Variants in CDH13 observed in about 807,000 individuals in gnomAD.
The protein encoded by CDH13 is cadherin-13.
Under a neutral mutation model 63.8 loss-of-function variants are expected in CDH13, and 24 were observed. The ratio of observed to expected loss-of-function variants is 0.38; its 90% CI spans 0.27 to 0.53. The LOEUF (loss-of-function observed/expected upper bound fraction) is 0.53, where lower values mean the gene tolerates loss of function less well. CDH13 is among the 20% of genes least tolerant of loss of function. CDH13 has a pLI of 0.85. For missense variants in CDH13, 1,049 were observed against 903.1 expected, an observed-to-expected ratio of 1.16 and a Z score of -2.07; for synonymous variants, 503 against 355.3, an observed-to-expected ratio of 1.42 and a Z score of -4.67.
intron 5 of CDH13, among the ~76,000 whole-genome samples, chr16:83,279,486 A>G (rs1045530262): frequency 6.6e-6 from 1 of 152,166 alleles, no homozygotes; most frequent in East Asian, 1.9e-4. Flanking sequence ...AAATCATTCA[A>G]ACGCTGCACA....
chr16:83,348,834 C>T (rs180800728), intron 6 of CDH13, among the ~76,000 whole-genome samples: 38 of 152,300 alleles, frequency 2.5e-4, no homozygotes, highest in Non-Finnish European at 5.0e-4. Context: ...GCTTAGGGAA[C>T]AGTAAATGTA....
intron 6 of CDH13, among the ~76,000 whole-genome samples, chr16:83,401,356 A>G (rs1183290309): frequency 6.6e-6 from 1 of 151,286 alleles, no homozygotes; most frequent in African/African-American, 2.4e-5. Flanking sequence ...AAAAAAGAAA[A>G]AAGATTATAT....
At chr16:83,648,626 A>G (rs113610582) in intron 8 of CDH13, among the ~76,000 whole-genome samples, 1,589 of 152,254 alleles carry the variant, frequency 0.01, 12 homozygotes, top group Admixed American at 0.016. Flanking sequence ...TTCTACTGAC[A>G]CCGACCCCCT....
At chr16:83,722,412 G>C (rs1035536) in intron 10 of CDH13, among the ~76,000 whole-genome samples, 3 of 152,064 alleles carry the variant, frequency 2.0e-5, no homozygotes, top group African/African-American at 7.2e-5. Context: ...AGTTTGCAGG[G>C]GCCAGTTGTT....
At chr16:83,321,492 C>G (rs1027254205) in intron 5 of CDH13, among the ~76,000 whole-genome samples, 1 of 145,950 alleles carries the variant, frequency 6.9e-6, no homozygotes, top group African/African-American at 2.5e-5. Flanking sequence ...CATACCTCCT[C>G]ATTTTTTTTT....
intron 3 of CDH13, among the ~76,000 whole-genome samples, chr16:83,118,158 G>A (rs4128844): frequency 2.6e-5 from 4 of 152,108 alleles, no homozygotes; most frequent in South Asian, 2.1e-4. Flanking sequence ...AGACTGCTGT[G>A]GGGGGAATCC....
At position 83,436,941 on chromosome 16, in the gene CDH13, C is replaced by T. The variant is rs113997379; in HGVS notation, c.782-49536C>T. On this transcript the variant is annotated intron_variant, in intron 6 of 13. Transcript: ENST00000567109. ...TCAGAGTCTCCATCAGAAATCACCA[C>T]CATTTTTTTTTAATGTAGGAGACTG... is the stretch of plus-strand genomic sequence containing the variant. Among the ~76,000 whole-genome samples the T allele has an allele frequency of 6.4e-3, 968 of 152,192 alleles. 11 individuals carry two copies. The highest frequency in any genetic ancestry group is 0.022 in the African/African-American group (921 of 41,518).
At chr16:83,671,557 A>C (rs893271610) in intron 9 of CDH13, among the ~76,000 whole-genome samples, 3 of 152,202 alleles carry the variant, frequency 2.0e-5, no homozygotes, top group African/African-American at 7.2e-5. Context: ...CCCAAACTTA[A>C]GTTTTAAATG....
intron 6 of CDH13, among the ~76,000 whole-genome samples, chr16:83,459,858 T>C (rs991008262): frequency 6.6e-5 from 10 of 152,224 alleles, no homozygotes; most frequent in Non-Finnish European, 1.5e-4. Flanking sequence ...TCAATAGTGT[T>C]ACTCAACTGG....
intron 6 of CDH13, among the ~76,000 whole-genome samples, chr16:83,442,386 C>G (rs1025274344): frequency 6.6e-6 from 1 of 152,126 alleles, no homozygotes; most frequent in Non-Finnish European, 1.5e-5. Context: ...CCAAAGCTAC[C>G]AGTCTGGTGA....
intron 2 of CDH13, among the ~76,000 whole-genome samples, chr16:82,989,224 A>G (rs1911348472): frequency 6.6e-6 from 1 of 152,138 alleles, no homozygotes; most frequent in Non-Finnish European, 1.5e-5. Flanking sequence ...ACCTCAAGGA[A>G]TGGGGCTGTC....
chr16:83,781,761 T>G (rs1420064387), intron 12 of CDH13, among the ~76,000 whole-genome samples: 3 of 151,604 alleles, frequency 2.0e-5, no homozygotes, highest in African/African-American at 7.3e-5. Context: ...CATTCAAGAG[T>G]TTCTTTTTTG....
chr16:83,555,367 A>G (rs1394870391), intron 7 of CDH13, among the ~76,000 whole-genome samples: 2 of 152,226 alleles, frequency 1.3e-5, no homozygotes, highest in African/African-American at 2.4e-5. Context: ...TGCCTGCCCC[A>G]GGCCTGTGGA....
At chr16:83,227,312 G>A (rs941614428) in intron 5 of CDH13, among the ~76,000 whole-genome samples, 8 of 152,168 alleles carry the variant, frequency 5.3e-5, no homozygotes, top group South Asian at 4.1e-4. Context: ...GACATCTCCC[G>A]CAGTGGTCCT....
At position 83,501,592 on chromosome 16, in the gene CDH13, T is replaced by C. The variant is rs567553269; in HGVS notation, c.960+14937T>C. On this transcript the variant is annotated intron_variant, in intron 7 of 13. Coordinates refer to ENST00000567109, the MANE Select transcript of CDH13 (RefSeq NM_001257.5). ...TCATCCAGGCATTACATTAGGTCCA[T>C]AACACTCACAGGAGCTCTGTAAGGC... 4.6e-5 allele frequency among the ~76,000 whole-genome samples: 7 copies of C among 152,320 alleles called. No individual in the cohort carries two copies. The South Asian group carries it at 1.2e-3, about 27-fold the overall frequency.
At chr16:83,203,176 G>C (rs1163168693) in intron 4 of CDH13, among the ~76,000 whole-genome samples, 1 of 151,996 alleles carries the variant, frequency 6.6e-6, no homozygotes, top group Non-Finnish European at 1.5e-5. Flanking sequence ...GTGAGCTGAG[G>C]TCGCACCATT....
At chr16:82,641,331 A>T (rs1272833866) in intron 1 of CDH13, among the ~76,000 whole-genome samples, 1 of 152,214 alleles carries the variant, frequency 6.6e-6, no homozygotes, top group Non-Finnish European at 1.5e-5. Flanking sequence ...AGGTATGGCA[A>T]GTTGTTGGAC....
intron 1 of CDH13, among the ~76,000 whole-genome samples, chr16:82,845,179 A>C (rs961970451): frequency 6.6e-6 from 1 of 152,192 alleles, no homozygotes; most frequent in Non-Finnish European, 1.5e-5. Context: ...ACTGCTGTAG[A>C]CAGCCAGGGG....
In CDH13 at chr16:83,058,446, C is replaced by T. The variant is rs553599007; in HGVS notation, c.366+26228C>T. 1.1e-4 allele frequency among the ~76,000 whole-genome samples: 17 copies of T among 152,244 alleles called. No homozygotes were observed. The South Asian group carries it at 3.5e-3, about 32-fold the overall frequency. On this transcript the variant is annotated intron_variant, in intron 3 of 13. Transcript: ENST00000567109. ...CATGGGGGTACCAAATAATTCATTT[C>T]CCCTTTTCCCAACAGATGCATTCTT...
Sources: gnomAD v4.1 joint callset for allele counts (sites outside exome capture counted in the v4.1 genomes callset) on GRCh38, gnomAD v4.1.1 for gene constraint, MANE v1.5 for transcripts, NCBI Gene and HGNC (gene_info 2026-07-23, HGNC 2026-07-21) for gene names.